SEL1L3: variants seen among roughly 807,000 people sequenced by gnomAD.
The protein encoded by SEL1L3 is SEL1L family member 3, also known as protein sel-1 homolog 3.
SEL1L3 carries 76 observed loss-of-function variants against 142.8 expected under a neutral mutation model. That is an observed-to-expected ratio of 0.53 (90% CI 0.44 to 0.64). SEL1L3 has a LOEUF of 0.64. Among genes scored for constraint, SEL1L3 ranks in the 30% least tolerant of loss-of-function variants. The pLI is 0.00. For synonymous variants in SEL1L3, 504 were observed against 519.6 expected (o/e 0.97, Z 0.41); for missense variants, 1,262 against 1,381.7 (o/e 0.91, Z 1.37).
chr4:25,742,501 T>C (rs533531742), downstream of SEL1L3, among the ~76,000 whole-genome samples: 7 of 152,174 alleles, frequency 4.6e-5, no homozygotes, highest in African/African-American at 1.7e-4. Context: ...TTTCACCACG[T>C]TGGCCAGGCT....
At chr4:25,817,517 G>A (rs1714459882) in intron 9 of SEL1L3, among the ~76,000 whole-genome samples, 1 of 152,228 alleles carries the variant, frequency 6.6e-6, no homozygotes, top group African/African-American at 2.4e-5. Context: ...CATCTGGGAA[G>A]TTTATGCAGA....
chr4:25,731,479 G>A, the SEL1L3 span, among the ~76,000 whole-genome samples: 1 of 152,134 alleles, frequency 6.6e-6, no homozygotes, highest in Admixed American at 6.6e-5. Flanking sequence ...AGTTTGAAAA[G>A]CATCCTTCCC....
intron 1 of SEL1L3, among the ~76,000 whole-genome samples, chr4:25,857,940 TC>T (rs1717380292): frequency 6.6e-6 from 1 of 152,138 alleles, no homozygotes; most frequent in Admixed American, 6.5e-5. Context: ...CTCAGCCAGC[TC>T]CCCAGTATAA....
chr4:25,844,716 C>A (rs529243452), intron 2 of SEL1L3, among the ~76,000 whole-genome samples: 1 of 152,168 alleles, frequency 6.6e-6, no homozygotes, highest in Admixed American at 6.5e-5. Flanking sequence ...CTGACAAAGT[C>A]GGAGGTACAG....
chr4:25,851,951 A>G lies in SEL1L3; in HGVS notation c.163-4087T>C, dbSNP rs117593387. Among the ~76,000 whole-genome samples the G allele has an allele frequency of 2.4e-4, 37 of 151,718 alleles. No homozygotes were observed. The East Asian group carries it at 6.2e-3, about 25-fold the overall frequency. ...GTCTTCTGCAAATGGCAGAGGGAATAGGAGAAGAGCTGGTGATTCCTTTTG... is the reference window on the plus strand; with the variant it reads ...GTCTTCTGCAAATGGCAGAGGGAATGGGAGAAGAGCTGGTGATTCCTTTTG... On this transcript the variant is annotated intron_variant, in intron 1 of 23. Coordinates refer to ENST00000399878, the MANE Select transcript of SEL1L3 (RefSeq NM_015187.5).
intron 9 of SEL1L3, among the ~76,000 whole-genome samples, chr4:25,815,972 T>C (rs1367168203): frequency 1.3e-5 from 2 of 150,974 alleles, no homozygotes; most frequent in Non-Finnish European, 2.9e-5. Flanking sequence ...CAGTCCAAAA[T>C]GTCAATATTG....
intron 1 of SEL1L3, among the ~76,000 whole-genome samples, chr4:25,854,917 CGG>C (rs1003605444): frequency 6.6e-6 from 1 of 152,180 alleles, no homozygotes; most frequent in Non-Finnish European, 1.5e-5. Flanking sequence ...AGAGAAACTT[CGG>C]GGTGGGGCAA....
rs1719952998 is a variant in SEL1L3, at chr4:25,780,879, A to G, written c.2457+1363T>C. Among the ~76,000 whole-genome samples, 3 of 150,298 alleles carry G rather than the reference A, an allele frequency of 2.0e-5. No homozygotes were observed. In the South Asian group the frequency reaches 6.2e-4, roughly 31 times the overall value. On this transcript the variant is annotated intron_variant, in intron 15 of 23. Transcript: ENST00000399878. Reference sequence around the variant, plus strand: ...CTTGCTCTGTCGCTCAGGCTGGAGTACAGTGGCACAATCTTAGCTCACTAC... The same window carrying G: ...CTTGCTCTGTCGCTCAGGCTGGAGTGCAGTGGCACAATCTTAGCTCACTAC...
At chr4:25,838,114 C>T (rs1383102963) in intron 2 of SEL1L3, among the ~76,000 whole-genome samples, 1 of 152,206 alleles carries the variant, frequency 6.6e-6, no homozygotes, top group South Asian at 2.1e-4. Context: ...AGGATTTGAA[C>T]CTGTCTCCCT....
At chr4:25,829,421 A>G (rs889937982) in intron 6 of SEL1L3, among the ~76,000 whole-genome samples, 1 of 152,234 alleles carries the variant, frequency 6.6e-6, no homozygotes, top group Non-Finnish European at 1.5e-5. Flanking sequence ...AAAATTGCAA[A>G]TCAAATCATC....
At chr4:25,859,474 C>T (rs936316967) in intron 1 of SEL1L3, among the ~76,000 whole-genome samples, 2 of 152,180 alleles carry the variant, frequency 1.3e-5, no homozygotes, top group African/African-American at 2.4e-5. Flanking sequence ...AAGGTTACTC[C>T]GTCCCAGCCT....
chr4:25,822,035 G>A lies in SEL1L3; in HGVS notation c.1251C>T (p.Pro417=), dbSNP rs1167904291. 1 of 1,613,754 alleles carries A rather than the reference G, an allele frequency of 6.2e-7. No individual in the cohort carries two copies. Among genetic ancestry groups the A allele is most frequent in the Non-Finnish European group, 8.5e-7 (1 of 1,179,890 alleles). Residue 417 remains proline (P), a synonymous_variant, in exon 7 of 24, where the codon CCC becomes CCT. Coordinates refer to ENST00000399878, the MANE Select transcript of SEL1L3 (RefSeq NM_015187.5). ...GACTGCGAAGGCGATAGTACTTCAGGGGTCCAAAAAACCCTTCAATGCCAG... is the reference window on the plus strand; with the variant it reads ...GACTGCGAAGGCGATAGTACTTCAGAGGTCCAAAAAACCCTTCAATGCCAG... ...YVAGIEGFFG[P]LKYYRLRSLH... is the part of the protein sequence containing the mutation.
rs371105353 is a variant in SEL1L3, at chr4:25,830,090, G to A, written c.1157+8C>T. ...CAAATTTTGAATAAAAAGAAAAATCGCACTTACCTAATGGTCTGATTGTGG... is the reference window on the plus strand; with the variant it reads ...CAAATTTTGAATAAAAAGAAAAATCACACTTACCTAATGGTCTGATTGTGG... On this transcript the variant is annotated splice_region_variant and intron_variant, in intron 6 of 23. Transcript: ENST00000399878. 1.8e-4 allele frequency: 294 copies of A among 1,597,538 alleles called. No individual in the cohort carries two copies. Among genetic ancestry groups the A allele is most frequent in the Non-Finnish European group, 2.2e-4 (260 of 1,165,686 alleles).
chr4:25,802,169 T>C (rs1294697988), intron 11 of SEL1L3, 114 bp downstream of exon 11: 16 of 875,156 alleles, frequency 1.8e-5, no homozygotes, highest in Non-Finnish European at 2.6e-5. Flanking sequence ...CTCTCTCCAT[T>C]TGATTATGTT....
chr4:25,733,710 G>A, the SEL1L3 span, among the ~76,000 whole-genome samples: 1 of 151,770 alleles, frequency 6.6e-6, no homozygotes, highest in African/African-American at 2.4e-5. Context: ...TAGTAGAGAC[G>A]GGGTTTCACT....
At chr4:25,773,928 T>C (rs1011150227) in intron 17 of SEL1L3, among the ~76,000 whole-genome samples, 1 of 152,154 alleles carries the variant, frequency 6.6e-6, no homozygotes, top group African/African-American at 2.4e-5. Flanking sequence ...ATGAAGGCTG[T>C]CCCAAGCTTC....
chr4:25,787,071 G>A (rs1280697070), intron 13 of SEL1L3, among the ~76,000 whole-genome samples: 1 of 152,164 alleles, frequency 6.6e-6, no homozygotes, highest in African/African-American at 2.4e-5. Flanking sequence ...TTGATGAATT[G>A]ATGTCTCTGT....
chr4:25,792,622 G>C (rs1167957020), intron 11 of SEL1L3, among the ~76,000 whole-genome samples: 1 of 152,226 alleles, frequency 6.6e-6, no homozygotes, highest in Non-Finnish European at 1.5e-5. Context: ...TGGCAAATGA[G>C]TGGTGGAGCC....
In SEL1L3 at chr4:25,833,126, G is replaced by T; in HGVS notation, c.983-16C>A. 1 of 1,464,274 alleles carries T rather than the reference G, an allele frequency of 6.8e-7. No individual in the cohort carries two copies. The highest frequency in any genetic ancestry group is 9.6e-7 in the Non-Finnish European group (1 of 1,044,302). The allele number at this position is 1,464,274 out of a possible 1,614,324, so 90.7% of individuals were successfully genotyped here. On this transcript the variant is annotated splice_polypyrimidine_tract_variant and intron_variant, in intron 4 of 23. Coordinates refer to ENST00000399878, the MANE Select transcript of SEL1L3 (RefSeq NM_015187.5). ...TGCAAATAGCCTAAAAGGAAAATTC[G>T]AGCACATGAAAATGAGCAAAAAATA...
Sources: allele counts gnomAD v4.1 joint callset (sites outside exome capture counted in the v4.1 genomes callset), GRCh38; gene constraint gnomAD v4.1.1; transcripts MANE v1.5; gene names NCBI Gene and HGNC (gene_info 2026-07-23, HGNC 2026-07-21).